RNF181: variants seen among roughly 807,000 people sequenced by gnomAD.
The protein encoded by RNF181 is ring finger protein 181, also known as E3 ubiquitin-protein ligase RNF181.
In RNF181, 25 loss-of-function variants were observed where a neutral mutation model predicts 23.3. That is an observed-to-expected ratio of 1.07 (90% CI 0.78 to 1.50). The LOEUF is 1.50. Ranked by LOEUF, RNF181 falls within the 40% of genes most tolerant of loss-of-function variation. The probability of loss-of-function intolerance (pLI) is 0.00; values close to 1 mark genes in which losing one functional copy is unlikely to be tolerated. For missense variants in RNF181, 167 were observed against 191.1 expected, an observed-to-expected ratio of 0.87 and a Z score of 0.74; for synonymous variants, 62 against 70.9, an observed-to-expected ratio of 0.87 and a Z score of 0.63.
In RNF181 at chr2:85,597,469, C is replaced by T. The variant is rs149659522; in HGVS notation, c.427C>T (p.Arg143Ter). The T allele has an allele frequency of 1.2e-4, 186 of 1,612,482 alleles. No homozygotes were observed. Among genetic ancestry groups the T allele is most frequent in the East Asian group, 2.5e-4 (11 of 44,892 alleles). The change falls in exon 5 of 5, where the codon CGA (arginine) becomes TGA (stop). Residue 143 changes from arginine to a stop codon, truncating the protein, a stop_gained. Transcript: ENST00000306368. LOFTEE classifies it high-confidence loss of function. ...GGCTCGAAAACAGCAGCAGCAACAC[C>T]GACTGGAGAACCTCCATGGAGCCAT... ...DKARKQQQQH[R>*]LENLHGAMYT
Position 85,597,207 on chromosome 2 carries a change from C to T in RNF181, c.402+29C>T, listed in dbSNP as rs117260196. 4.2e-4 allele frequency: 667 copies of T among 1,576,942 alleles called. 3 individuals are homozygous for T. The East Asian group carries it at 0.014, about 33-fold the overall frequency. ...GGGGCTGATGCTTAAGTGGAGGGGT[C>T]GTAATGGGCTCCCTGAGTCCTGTCC... On this transcript the variant is annotated intron_variant, in intron 4 of 4. Coordinates refer to ENST00000306368, the MANE Select transcript of RNF181 (RefSeq NM_016494.4).
At position 85,597,561 on chromosome 2, in the gene RNF181, A is replaced by G. The variant is rs1010902145; in HGVS notation, c.*57A>G. The G allele has an allele frequency of 4.4e-6, 7 of 1,607,880 alleles. No homozygotes were observed. Among genetic ancestry groups the G allele is most frequent in the Non-Finnish European group, 5.9e-6 (7 of 1,177,586 alleles). ...TCTTCCTTATTAACCTTGAATCCTCATTAAAGGTTTCTTTACCCACCCTGA... is the reference window on the plus strand; with the variant it reads ...TCTTCCTTATTAACCTTGAATCCTCGTTAAAGGTTTCTTTACCCACCCTGA... On this transcript the variant is annotated 3_prime_UTR_variant, in exon 5 of 5. Transcript: ENST00000306368.
In RNF181 at chr2:85,596,945, T is replaced by G. The variant is rs1433554366; in HGVS notation, c.327+14T>G. 4 of 1,614,168 alleles carry G rather than the reference T, an allele frequency of 2.5e-6. No individual in the cohort carries two copies. Among genetic ancestry groups the G allele is most frequent in the Non-Finnish European group, 2.5e-6 (3 of 1,180,006 alleles). ...TGGCTAAGCAAGGTACTGCTTCTCT[T>G]CTTCTAGCTCTCACCGTGCCCTGGG... On this transcript the variant is annotated intron_variant, in intron 3 of 4. Transcript: ENST00000306368.
chr2:85,596,791 C>G, intron 2 of RNF181, 31 bp from the exon 3 acceptor site: 1 of 1,606,462 alleles, frequency 6.2e-7, no homozygotes, highest in Non-Finnish European at 8.5e-7. Flanking sequence ...GAGCCTGTAG[C>G]AGCTCTCCTG....
At chr2:85,597,039 G>C (rs1672688877) in intron 3 of RNF181, 65 bp from the exon 4 acceptor site, 2 of 1,614,020 alleles carry the variant, frequency 1.2e-6, no homozygotes, top group Non-Finnish European at 1.7e-6. Flanking sequence ...GTTGGGAGCA[G>C]GGGAGGGTGG....
chr2:85,596,863 G>A lies in RNF181; in HGVS notation c.259G>A (p.Glu87Lys). Residue 87 changes from glutamate (E) to lysine (K), a missense_variant, in exon 3 of 5, where the codon GAG (glutamate) becomes AAG (lysine). Glu to Lys is a moderately conservative substitution (Grantham distance 56). Coordinates refer to ENST00000306368, the MANE Select transcript of RNF181 (RefSeq NM_016494.4). ...PVCLLEFEEE[E>K]TAIEMPCHHL... ...GTGTCTTTTGGAATTTGAGGAGGAG[G>A]AGACTGCCATTGAGATGCCTTGCCA... The A allele has an allele frequency of 1.2e-6, 2 of 1,614,204 alleles. No homozygotes were observed. Among genetic ancestry groups the A allele is most frequent in the Non-Finnish European group, 1.7e-6 (2 of 1,180,030 alleles).
In RNF181 at chr2:85,597,554, A is replaced by T. The variant is rs891829167; in HGVS notation, c.*50A>T. The stretch of plus-strand genomic sequence containing the variant: ...CTCTGCGTCTTCCTTATTAACCTTG[A>T]ATCCTCATTAAAGGTTTCTTTACCC... On this transcript the variant is annotated 3_prime_UTR_variant, in exon 5 of 5. Coordinates refer to ENST00000306368, the MANE Select transcript of RNF181 (RefSeq NM_016494.4). The T allele has an allele frequency of 2.5e-6, 4 of 1,610,276 alleles. No homozygotes were observed. The highest frequency in any genetic ancestry group is 3.4e-6 in the Non-Finnish European group (4 of 1,178,452).
At chr2:85,596,694 T>G in intron 2 of RNF181, 45 bp downstream of exon 2, 1 of 1,613,756 alleles carries the variant, frequency 6.2e-7, no homozygotes. Flanking sequence ...GACCCACCCC[T>G]TCCCCAAGCC....
rs999027852 is a variant in RNF181 at position 85,595,921 on chromosome 2, A to T, written c.86+72A>T. On this transcript the variant is annotated intron_variant, in intron 1 of 4. Coordinates refer to ENST00000306368, the MANE Select transcript of RNF181 (RefSeq NM_016494.4). ...GGCTGGGGCTGGCTGGAGAAGGCGG[A>T]TTACCAGGGGCAGCGGATTCTGGGG... The T allele has an allele frequency of 2.2e-6, 3 of 1,353,954 alleles. No individual in the cohort carries two copies. In the African/African-American group the frequency reaches 4.3e-5, roughly 19 times the overall value. The allele number at this position is 1,353,954 out of a possible 1,614,324, so 83.9% of individuals were successfully genotyped here. A position where few individuals can be genotyped will look rare whatever the true frequency, so the allele number is the denominator to read the frequency against.
chr2:85,595,909 T>G, intron 1 of RNF181, 60 bp downstream of exon 1: 1 of 1,477,150 alleles, frequency 6.8e-7, no homozygotes, highest in Non-Finnish European at 9.4e-7. Flanking sequence ...TGGGGCTGGC[T>G]GGAGAAGGCG....
chr2:85,597,505 G>C lies in RNF181; in HGVS notation c.*1G>C. 1 of 1,613,708 alleles carries C rather than the reference G, an allele frequency of 6.2e-7. No homozygotes were observed. Among genetic ancestry groups the C allele is most frequent in the Non-Finnish European group, 8.5e-7 (1 of 1,179,876 alleles). On this transcript the variant is annotated 3_prime_UTR_variant, in exon 5 of 5. Transcript: ENST00000306368. ...CCTCCATGGAGCCATGTACACGTGA[G>C]GAGGTTGGGGCTGAGTGCTGGCCCT...
In RNF181 at chr2:85,597,140, ACTG is replaced by A; in HGVS notation, c.365_367del (p.Thr122_Asp123delinsAsn). 2 of 1,614,092 alleles carry A rather than the reference ACTG, an allele frequency of 1.2e-6. No homozygotes were observed. Among genetic ancestry groups the A allele is most frequent in the Non-Finnish European group, 1.7e-6 (2 of 1,180,008 alleles). On this transcript the variant is annotated inframe_deletion, in exon 4 of 5. Coordinates refer to ENST00000306368, the MANE Select transcript of RNF181 (RefSeq NM_016494.4). ...TCCCTTGTGCCGCTATGAGCTGCCCACTGATGACGACACTTATGAGGAGCACAG... is the reference window on the plus strand; with the variant it reads ...TCCCTTGTGCCGCTATGAGCTGCCCAATGACGACACTTATGAGGAGCACAG...
Position 85,597,435 on chromosome 2 carries a change from T to C in RNF181, c.403-10T>C, listed in dbSNP as rs780381170. On this transcript the variant is annotated splice_polypyrimidine_tract_variant and intron_variant, in intron 4 of 4. Coordinates refer to ENST00000306368, the MANE Select transcript of RNF181 (RefSeq NM_016494.4). ...TTTGGCCCCTGCCCAGCATGCCTTCTTTCCTTCAGGCTCGAAAACAGCAGC... is the reference window on the plus strand; with the variant it reads ...TTTGGCCCCTGCCCAGCATGCCTTCCTTCCTTCAGGCTCGAAAACAGCAGC... 3 of 1,604,462 alleles carry C rather than the reference T, an allele frequency of 1.9e-6. No homozygotes were observed. In the African/African-American group the frequency reaches 4.0e-5, roughly 22 times the overall value.
chr2:85,596,472 A>G, intron 1 of RNF181, 47 bp from the exon 2 acceptor site: 1 of 1,543,638 alleles, frequency 6.5e-7, no homozygotes, highest in Non-Finnish European at 8.7e-7. Flanking sequence ...GGGGACAAAG[A>G]AAAAGCATAG....
intron 2 of RNF181, 36 bp downstream of exon 2, chr2:85,596,685 A>G (rs760984637): frequency 1.2e-6 from 2 of 1,613,538 alleles, no homozygotes; most frequent in Non-Finnish European, 1.7e-6. Context: ...TTTGGGCCAG[A>G]CCCACCCCTT....
rs985566506 is a variant in RNF181 at position 85,597,583 on chromosome 2, C to G, written c.*79C>G. On this transcript the variant is annotated 3_prime_UTR_variant, in exon 5 of 5. Coordinates refer to ENST00000306368, the MANE Select transcript of RNF181 (RefSeq NM_016494.4). ...CTCATTAAAGGTTTCTTTACCCACC[C>G]TGAGGCTGTATTGATCACAGACCTG... 11 of 1,592,078 alleles carry G rather than the reference C, an allele frequency of 6.9e-6. No homozygotes were observed. The highest frequency in any genetic ancestry group is 9.4e-6 in the Non-Finnish European group (11 of 1,170,224).
intron 1 of RNF181, 75 bp downstream of exon 1, chr2:85,595,924 AC>A: frequency 1.5e-6 from 2 of 1,325,512 alleles, no homozygotes; most frequent in Non-Finnish European, 2.1e-6. Context: ...AAGGCGGATT[AC>A]CAGGGGCAGC....
chr2:85,596,930 A>G lies in RNF181; in HGVS notation c.326A>G (p.Lys109Arg). Residue 109 changes from lysine (K) to arginine (R), a missense_variant and splice_region_variant, in exon 3 of 5, where the codon AAG becomes AGG. Physicochemically the swap from Lys to Arg is conservative, Grantham distance 26. Transcript: ENST00000306368. ...AGCTGCATTCTGCCCTGGCTAAGCA[A>G]GGTACTGCTTCTCTTCTTCTAGCTC... ...HSSCILPWLS[K>R]TNSCPLCRYE... The G allele has an allele frequency of 6.2e-7, 1 of 1,614,164 alleles. No homozygotes were observed. The highest frequency in any genetic ancestry group is 8.5e-7 in the Non-Finnish European group (1 of 1,179,998).
At chr2:85,596,265 G>A (rs941995765) in intron 1 of RNF181, among the ~76,000 whole-genome samples, 1 of 152,134 alleles carries the variant, frequency 6.6e-6, no homozygotes, top group African/African-American at 2.4e-5. Flanking sequence ...GTTATTCAGC[G>A]TAGCCTGAGT....
Sources: allele counts gnomAD v4.1 joint callset (sites outside exome capture counted in the v4.1 genomes callset), GRCh38; gene constraint gnomAD v4.1.1; transcripts MANE v1.5; gene names NCBI Gene and HGNC (gene_info 2026-07-23, HGNC 2026-07-21).